The following CSMD1 variants were observed in gnomAD, a reference collection of about 807,000 sequenced individuals.
The protein encoded by CSMD1 is CUB and Sushi multiple domains 1.
CSMD1 carries 213 observed loss-of-function variants against 417.5 expected under a neutral mutation model. The ratio of observed to expected loss-of-function variants is 0.51; its 90% CI spans 0.46 to 0.57. The LOEUF (loss-of-function observed/expected upper bound fraction) is 0.57. CSMD1 is among the 20% of genes least tolerant of loss of function. The probability of loss-of-function intolerance (pLI) is 0.00; values close to 1 mark genes in which losing one functional copy is unlikely to be tolerated. For synonymous variants in CSMD1, 2,862 were observed against 1,736.8 expected (o/e 1.65, Z -16.11); for missense variants, 6,923 against 4,529.7 (o/e 1.53, Z -15.17).
intron 5 of CSMD1, among the ~76,000 whole-genome samples, chr8:3,979,244 G>C (rs953921966): frequency 1.3e-5 from 2 of 152,130 alleles, no homozygotes; most frequent in African/African-American, 4.8e-5. Context: ...AGGAAATTTA[G>C]GGCATCTTTT....
rs1044797524 is a variant in CSMD1 at position 4,140,854 on chromosome 8, C to A, written c.416-108755G>T. 1.9e-4 allele frequency among the ~76,000 whole-genome samples: 29 copies of A among 150,890 alleles called. 1 individual carries two copies. The highest frequency in any genetic ancestry group is 7.0e-4 in the African/African-American group (28 of 40,282). On this transcript the variant is annotated intron_variant, in intron 3 of 69. Coordinates refer to ENST00000635120, the MANE Select transcript of CSMD1 (RefSeq NM_033225.6). Reference sequence around the variant, plus strand: ...CTCCAGGTTTCAAATCAAATCTCTGCCCAAGAGGGCATTTGGGAGATTGCT... The same window carrying A: ...CTCCAGGTTTCAAATCAAATCTCTGACCAAGAGGGCATTTGGGAGATTGCT...
At chr8:3,904,084 T>C (rs571760428) in intron 5 of CSMD1, among the ~76,000 whole-genome samples, 1 of 152,308 alleles carries the variant, frequency 6.6e-6, no homozygotes, top group East Asian at 1.9e-4. Flanking sequence ...CAGTCAAAGA[T>C]TGTACATTAT....
chr8:3,502,389 T>G (rs6985832), intron 10 of CSMD1, among the ~76,000 whole-genome samples: 95,368 of 144,314 alleles, frequency 0.66, 31,872 homozygotes, highest in Middle Eastern at 0.78. Flanking sequence ...AAAGAAGTAT[T>G]TCCACACAAC....
At chr8:4,587,239 G>T (rs1054336575) in intron 2 of CSMD1, among the ~76,000 whole-genome samples, 4 of 152,156 alleles carry the variant, frequency 2.6e-5, no homozygotes, top group Admixed American at 2.6e-4. Flanking sequence ...CTTGTCTGTT[G>T]TTTTACACTG....
intron 18 of CSMD1, among the ~76,000 whole-genome samples, chr8:3,384,143 C>A (rs2649638): frequency 6.6e-6 from 1 of 152,126 alleles, no homozygotes; most frequent in East Asian, 1.9e-4. Context: ...CATGTTTACT[C>A]TGGGAAATGC....
chr8:3,024,098 T>C (rs113440266), intron 51 of CSMD1, among the ~76,000 whole-genome samples: 6 of 152,160 alleles, frequency 3.9e-5, no homozygotes, highest in South Asian at 4.2e-4. Context: ...ACTTATTTAA[T>C]AGTAAATTAT....
At chr8:4,116,196 G>A (rs550718646) in intron 3 of CSMD1, among the ~76,000 whole-genome samples, 1 of 151,900 alleles carries the variant, frequency 6.6e-6, no homozygotes, top group South Asian at 2.1e-4. Context: ...GTTTCCCCAT[G>A]TTGGCCAGGC....
chr8:3,497,232 G>C (rs1479844816), intron 10 of CSMD1, among the ~76,000 whole-genome samples: 4 of 152,128 alleles, frequency 2.6e-5, no homozygotes, highest in Admixed American at 1.3e-4. Context: ...GTTCCATGCT[G>C]AGAGTAGCAG....
intron 5 of CSMD1, among the ~76,000 whole-genome samples, chr8:3,904,659 T>C (rs542348149): frequency 6.9e-6 from 1 of 145,846 alleles, no homozygotes; most frequent in Non-Finnish European, 1.5e-5. Context: ...TTTTTTGAGA[T>C]GAAGTCTTAC....
In CSMD1 at chr8:4,922,872, G is replaced by T. The variant is rs551899166; in HGVS notation, c.85+71460C>A. On this transcript the variant is annotated intron_variant, in intron 1 of 69. Coordinates refer to ENST00000635120, the MANE Select transcript of CSMD1 (RefSeq NM_033225.6). ...TTTCCTAGTGCTAAAGTTTTAACTG[G>T]CATCTTCTCTAAGCCTCAAAAGAGT... Among the ~76,000 whole-genome samples, 6 of 152,236 alleles carry T rather than the reference G, an allele frequency of 3.9e-5. 1 individual carries two copies. Among genetic ancestry groups the T allele is most frequent in the African/African-American group, 1.2e-4 (5 of 41,554 alleles).
intron 6 of CSMD1, among the ~76,000 whole-genome samples, chr8:3,713,378 G>C (rs1023075588): frequency 5.9e-5 from 9 of 152,106 alleles, no homozygotes; most frequent in African/African-American, 2.2e-4. Flanking sequence ...AATAATGTAA[G>C]AAGTGAATAC....
chr8:3,030,222 T>C (rs775968162), intron 50 of CSMD1, among the ~76,000 whole-genome samples: 2 of 152,054 alleles, frequency 1.3e-5, no homozygotes, highest in Non-Finnish European at 2.9e-5. Flanking sequence ...TTTCTAAATA[T>C]ACTGAAAATA....
chr8:3,224,518 CA>C (rs1438642411), intron 27 of CSMD1, among the ~76,000 whole-genome samples: 6 of 152,226 alleles, frequency 3.9e-5, no homozygotes, highest in African/African-American at 1.4e-4. Flanking sequence ...TTCAAAGTGG[CA>C]AAACAAACCC....
intron 10 of CSMD1, among the ~76,000 whole-genome samples, chr8:3,520,039 TAC>T (rs1554452249): frequency 6.8e-6 from 1 of 147,110 alleles, no homozygotes; most frequent in African/African-American, 2.6e-5. Flanking sequence ...TATATATATA[TAC>T]ACGTATAGTT....
At chr8:4,121,406 T>A (rs535756878) in intron 3 of CSMD1, among the ~76,000 whole-genome samples, 1 of 152,162 alleles carries the variant, frequency 6.6e-6, no homozygotes, top group South Asian at 2.1e-4. Flanking sequence ...TGAGTGTCAA[T>A]GTATTTTTCA....
At chr8:4,723,104 A>T (rs1809172150) in intron 1 of CSMD1, among the ~76,000 whole-genome samples, 2 of 152,304 alleles carry the variant, frequency 1.3e-5, no homozygotes, top group East Asian at 1.9e-4. Context: ...ATACTTATAT[A>T]TCTGACTTGT....
chr8:4,101,272 G>A (rs1054117964), intron 3 of CSMD1, among the ~76,000 whole-genome samples: 1 of 152,074 alleles, frequency 6.6e-6, no homozygotes, highest in Non-Finnish European at 1.5e-5. Flanking sequence ...GCAACACTTT[G>A]GTGTTCTTCC....
rs116466801 is a variant in CSMD1, at chr8:4,606,106, C to T, written c.302+31236G>A. ...GCTATATCTCACGTTCAAAATTGAT[C>T]GAGCTGAAATGACTTGCAGGATTAA... On this transcript the variant is annotated intron_variant, in intron 2 of 69. Transcript: ENST00000635120. Among the ~76,000 whole-genome samples, 1,131 of 152,168 alleles carry T rather than the reference C, an allele frequency of 7.4e-3. 12 individuals carry two copies. Among genetic ancestry groups the T allele is most frequent in the African/African-American group, 0.025 (1,054 of 41,510 alleles).
intron 2 of CSMD1, among the ~76,000 whole-genome samples, chr8:4,442,190 C>G (rs1015686842): frequency 2.8e-4 from 43 of 152,168 alleles, no homozygotes; most frequent in African/African-American, 1.0e-3. Flanking sequence ...GTGACAATCT[C>G]CTGACAAATC....
Sources: gnomAD v4.1 joint callset for allele counts (sites outside exome capture counted in the v4.1 genomes callset) on GRCh38, gnomAD v4.1.1 for gene constraint, MANE v1.5 for transcripts, NCBI Gene and HGNC (gene_info 2026-07-23, HGNC 2026-07-21) for gene names.